AUH: variants seen among roughly 807,000 people sequenced by gnomAD.
AUH encodes the protein methylglutaconyl-CoA hydratase, mitochondrial.
In AUH, 29 loss-of-function variants were observed where a neutral mutation model predicts 42.3. That is an observed-to-expected ratio of 0.69 (90% CI 0.51 to 0.93). AUH has a LOEUF of 0.93. Among genes scored for constraint, AUH ranks in the 40% least tolerant of loss-of-function variants. The pLI, the probability that AUH is intolerant of heterozygous loss-of-function variation, is 0.00. For missense variants in AUH, 452 were observed against 438.1 expected (o/e 1.03, Z -0.28); for synonymous variants, 174 against 166.4 (o/e 1.05, Z -0.35).
intron 6 of AUH, among the ~76,000 whole-genome samples, chr9:91,281,195 C>T (rs1487517236): frequency 6.6e-6 from 1 of 152,118 alleles, no homozygotes; most frequent in African/African-American, 2.4e-5. Context: ...CGGTTCAGTT[C>T]ATTTATTTTA....
At chr9:91,347,003 G>A (rs911643062) in intron 3 of AUH, among the ~76,000 whole-genome samples, 1 of 151,954 alleles carries the variant, frequency 6.6e-6, no homozygotes, top group Admixed American at 6.6e-5. Flanking sequence ...GAAAATCAAT[G>A]TGTTCACCAA....
At chr9:91,217,378 T>G (rs1485048530) in intron 7 of AUH, 51 bp from the exon 8 acceptor site, 3 of 1,557,352 alleles carry the variant, frequency 1.9e-6, no homozygotes, top group Non-Finnish European at 2.7e-6. Flanking sequence ...ATGCAAATTA[T>G]GTCGTATATC....
intron 4 of AUH, among the ~76,000 whole-genome samples, chr9:91,300,725 T>C (rs1388528355): frequency 6.6e-6 from 1 of 152,232 alleles, no homozygotes. Flanking sequence ...CACACCTGCC[T>C]AATCTCTTCC....
intron 6 of AUH, among the ~76,000 whole-genome samples, chr9:91,247,695 ATTT>A (rs1202593439): frequency 6.6e-6 from 1 of 152,140 alleles, no homozygotes; most frequent in Admixed American, 6.5e-5. Flanking sequence ...CTAGTCTTTA[ATTT>A]TAGTCATTCT....
intron 7 of AUH, chr9:91,218,619 G>T: frequency 1.0e-6 from 1 of 985,214 alleles, no homozygotes; most frequent in Non-Finnish European, 1.2e-6. Flanking sequence ...AGAAAGCCAT[G>T]AGAAAAACAG....
At chr9:91,313,069 CG>C (rs147878836) in intron 4 of AUH, among the ~76,000 whole-genome samples, 32,764 of 151,294 alleles carry the variant, frequency 0.22, 3,746 homozygotes, top group East Asian at 0.34. Context: ...TCAGGCTTTG[CG>C]GGGGGGGTTG....
chr9:91,303,043 G>C (rs1564081319), intron 4 of AUH, among the ~76,000 whole-genome samples: 1 of 152,040 alleles, frequency 6.6e-6, no homozygotes, highest in African/African-American at 2.4e-5. Context: ...TGACAAAGAA[G>C]ATAATAATCC....
At chr9:91,244,639 T>G (rs1828697580) in intron 6 of AUH, among the ~76,000 whole-genome samples, 1 of 152,206 alleles carries the variant, frequency 6.6e-6, no homozygotes, top group South Asian at 2.1e-4. Context: ...GTCAGTGACT[T>G]CCTTTCACTC....
At chr9:91,218,582 C>A (rs1826956917) in intron 7 of AUH, 1 of 979,544 alleles carries the variant, frequency 1.0e-6, no homozygotes, top group Admixed American at 6.2e-5. Flanking sequence ...TGCTGGTCCA[C>A]AGACCACACT....
intron 6 of AUH, among the ~76,000 whole-genome samples, chr9:91,236,535 G>A (rs780159874): frequency 2.6e-5 from 4 of 152,192 alleles, no homozygotes; most frequent in Non-Finnish European, 4.4e-5. Flanking sequence ...AGAGGGAAAT[G>A]ATTGAGAGTG....
intron 6 of AUH, among the ~76,000 whole-genome samples, chr9:91,225,880 T>A (rs1827432223): frequency 6.6e-6 from 1 of 151,946 alleles, no homozygotes; most frequent in South Asian, 2.1e-4. Flanking sequence ...GGACATGAAC[T>A]CATCATTTTT....
At chr9:91,290,445 C>T (rs1208564231) in intron 6 of AUH, among the ~76,000 whole-genome samples, 1 of 152,146 alleles carries the variant, frequency 6.6e-6, no homozygotes, top group African/African-American at 2.4e-5. Context: ...AAGAAAAAGA[C>T]AACCATCCTT....
intron 5 of AUH, 117 bp from the exon 6 acceptor site, chr9:91,296,194 A>ATTATTTTTTTTTTTTTT: frequency 2.0e-6 from 2 of 1,019,516 alleles, no homozygotes; most frequent in Non-Finnish European, 1.4e-6. Flanking sequence ...GATATCACAA[A>ATTATTTTTTTTTTTTTT]TTCTTAAAAA....
chr9:91,253,080 G>A (rs2131396789), intron 6 of AUH, among the ~76,000 whole-genome samples: 1 of 152,276 alleles, frequency 6.6e-6, no homozygotes, highest in East Asian at 1.9e-4. Context: ...AAATGATTAA[G>A]TTTACCAAGA....
Position 91,361,880 on chromosome 9 carries a change from C to T in AUH, c.10G>A (p.Ala4Thr), listed in dbSNP as rs1832900678. The T allele has an allele frequency of 8.9e-6, 13 of 1,465,232 alleles. No individual in the cohort carries two copies. The highest frequency in any genetic ancestry group is 2.9e-5 in the African/African-American group (2 of 67,902). 90.8% of individuals were successfully genotyped at this position (1,465,232 alleles called of 1,614,324 possible). MAA[A>T]VAAAPGALGS... The stretch of plus-strand genomic sequence containing the variant: ...AAGGCCCCAGGTGCCGCCGCCACCG[C>T]GGCCGCCATGTTGTCTGTTTACGGC... Residue 4 changes from alanine to threonine, a missense_variant, in exon 1 of 10, where the codon GCG (alanine) becomes ACG (threonine). Transcript: ENST00000375731.
At chr9:91,229,695 A>G (rs546190403) in intron 6 of AUH, among the ~76,000 whole-genome samples, 1 of 152,058 alleles carries the variant, frequency 6.6e-6, no homozygotes, top group Non-Finnish European at 1.5e-5. Flanking sequence ...GGCTGGTACC[A>G]GTTGTTCCTT....
At chr9:91,288,837 T>C (rs886500671) in intron 6 of AUH, among the ~76,000 whole-genome samples, 1 of 152,182 alleles carries the variant, frequency 6.6e-6, no homozygotes. Flanking sequence ...AAAAACTACA[T>C]GATAGCAGTG....
intron 4 of AUH, among the ~76,000 whole-genome samples, chr9:91,319,797 A>G (rs1829430655): frequency 6.6e-6 from 1 of 152,236 alleles, no homozygotes; most frequent in Non-Finnish European, 1.5e-5. Flanking sequence ...GAGAAGCAAC[A>G]GAAGACCCCA....
chr9:91,237,050 C>T (rs373255022), intron 6 of AUH, among the ~76,000 whole-genome samples: 6 of 152,090 alleles, frequency 3.9e-5, no homozygotes, highest in Admixed American at 1.3e-4. Context: ...TTAGGGGATA[C>T]GTGTATGTGC....
Sources: gnomAD v4.1 joint callset for allele counts (sites outside exome capture counted in the v4.1 genomes callset) on GRCh38, gnomAD v4.1.1 for gene constraint, MANE v1.5 for transcripts, NCBI Gene and HGNC (gene_info 2026-07-23, HGNC 2026-07-21) for gene names.